The following SLC9A9 variants were observed in gnomAD, a reference collection of about 807,000 sequenced individuals.
SLC9A9 encodes sodium/hydrogen exchanger 9.
In SLC9A9, 62 loss-of-function variants were observed where a neutral mutation model predicts 77.8. The observed-to-expected ratio is 0.80, with a 90% CI of 0.65 to 0.98. The LOEUF (loss-of-function observed/expected upper bound fraction) is 0.98. Among genes scored for constraint, SLC9A9 ranks in the 50% least tolerant of loss-of-function variants. The probability of loss-of-function intolerance (pLI) is 0.00; values close to 1 mark genes in which losing one functional copy is unlikely to be tolerated. For missense variants in SLC9A9, 775 were observed against 774.9 expected (o/e 1.00, Z 0.00); for synonymous variants, 320 against 283.5 (o/e 1.13, Z -1.29).
chr3:143,801,796 C>T (rs952790341), intron 2 of SLC9A9, among the ~76,000 whole-genome samples: 6 of 152,232 alleles, frequency 3.9e-5, no homozygotes, highest in East Asian at 1.9e-4. Context: ...CGGGCCCTCA[C>T]TCTTGCAAAG....
chr3:143,396,902 T>C (rs2033743089), intron 12 of SLC9A9, among the ~76,000 whole-genome samples: 1 of 152,224 alleles, frequency 6.6e-6, no homozygotes, highest in African/African-American at 2.4e-5. Flanking sequence ...TGTTTACATG[T>C]ATCTGACAAT....
chr3:143,596,725 T>C lies in SLC9A9; in HGVS notation c.756-18002A>G, dbSNP rs75066738. Among the ~76,000 whole-genome samples, 698 of 152,302 alleles carry C rather than the reference T, an allele frequency of 4.6e-3. 4 individuals are homozygous for C. Among genetic ancestry groups the C allele is most frequent in the Middle Eastern group, 0.01 (3 of 294 alleles). On this transcript the variant is annotated intron_variant, in intron 6 of 15. Transcript: ENST00000316549. The stretch of plus-strand genomic sequence containing the variant: ...TCACCCAAGCTGGAGTACAGTGGCA[T>C]GAATATGGCTAACTATAGCCTCGAC...
chr3:143,811,699 A>C (rs954286069), intron 2 of SLC9A9: 1 of 455,018 alleles, frequency 2.2e-6, no homozygotes. Context: ...AACAAAAACA[A>C]AAAAACAAAA....
At chr3:143,692,821 T>C (rs796642415) in intron 5 of SLC9A9, among the ~76,000 whole-genome samples, 16 of 152,222 alleles carry the variant, frequency 1.1e-4, no homozygotes, top group African/African-American at 2.4e-4. Context: ...GATGAGCAAA[T>C]AGAAAGGTCT....
At chr3:143,440,199 C>T (rs1360695927) in intron 12 of SLC9A9, among the ~76,000 whole-genome samples, 2 of 152,164 alleles carry the variant, frequency 1.3e-5, no homozygotes, top group African/African-American at 4.8e-5. Flanking sequence ...CAGGGAGACC[C>T]ACCTAGGGAT....
At chr3:143,552,272 T>G in intron 9 of SLC9A9, 90 bp downstream of exon 9, 1 of 898,686 alleles carries the variant, frequency 1.1e-6, no homozygotes, top group Non-Finnish European at 1.7e-6. Flanking sequence ...CCTTTACTAA[T>G]GAAACTCTTT....
intron 12 of SLC9A9, among the ~76,000 whole-genome samples, chr3:143,385,763 C>A (rs544261766): frequency 1.8e-4 from 28 of 152,166 alleles, no homozygotes; most frequent in Non-Finnish European, 3.2e-4. Context: ...TGAAGTCCAA[C>A]CTCCTTAGGT....
chr3:143,638,933 C>T (rs2038574640), intron 6 of SLC9A9, among the ~76,000 whole-genome samples: 1 of 152,190 alleles, frequency 6.6e-6, no homozygotes, highest in South Asian at 2.1e-4. Context: ...CAAGAGAGAG[C>T]TTTTAATTTA....
chr3:143,548,849 TC>T, intron 9 of SLC9A9, among the ~76,000 whole-genome samples: 1 of 152,346 alleles, frequency 6.6e-6, no homozygotes, highest in Non-Finnish European at 1.5e-5. Flanking sequence ...AGCCTTTGTA[TC>T]CAGATATAGC....
intron 9 of SLC9A9, among the ~76,000 whole-genome samples, chr3:143,544,479 G>A (rs750747758): frequency 1.7e-4 from 26 of 151,960 alleles, no homozygotes; most frequent in Non-Finnish European, 2.9e-4. Flanking sequence ...CGCCCGCCTC[G>A]GCCTTCCAAA....
chr3:143,794,155 A>G (rs182357435), intron 4 of SLC9A9, among the ~76,000 whole-genome samples: 1 of 152,260 alleles, frequency 6.6e-6, no homozygotes, highest in East Asian at 1.9e-4. Context: ...ATTGACACAC[A>G]CTAGAAACTC....
intron 5 of SLC9A9, among the ~76,000 whole-genome samples, chr3:143,657,002 G>A (rs200890723): frequency 6.6e-6 from 1 of 152,134 alleles, no homozygotes; most frequent in Non-Finnish European, 1.5e-5. Flanking sequence ...AATTGTATAC[G>A]GTGAGATCTG....
chr3:143,292,200 G>T (rs1012005554), intron 14 of SLC9A9, among the ~76,000 whole-genome samples: 7 of 152,184 alleles, frequency 4.6e-5, no homozygotes, highest in African/African-American at 1.7e-4. Flanking sequence ...CATGGTGCTT[G>T]GCTACCATGG....
At chr3:143,535,079 T>C (rs907407128) in intron 9 of SLC9A9, among the ~76,000 whole-genome samples, 18 of 152,208 alleles carry the variant, frequency 1.2e-4, no homozygotes, top group Admixed American at 3.3e-4. Flanking sequence ...AATTAAACCA[T>C]TCTTCTTTTA....
chr3:143,556,553 G>A (rs1451631809), intron 8 of SLC9A9, among the ~76,000 whole-genome samples: 1 of 152,128 alleles, frequency 6.6e-6, no homozygotes, highest in Non-Finnish European at 1.5e-5. Flanking sequence ...TTAGAATTCT[G>A]GATCCTAGCC....
At chr3:143,704,998 T>G in intron 4 of SLC9A9, among the ~76,000 whole-genome samples, 1 of 115,130 alleles carries the variant, frequency 8.7e-6, no homozygotes. Flanking sequence ...ATCTCAAATA[T>G]CTATCTATCT....
chr3:143,611,097 G>A (rs1406973145), intron 6 of SLC9A9, among the ~76,000 whole-genome samples: 1 of 151,896 alleles, frequency 6.6e-6, no homozygotes, highest in Non-Finnish European at 1.5e-5. Context: ...GGGCATAGAA[G>A]GCTAGAAAAA....
chr3:143,437,169 G>A (rs182086604), intron 12 of SLC9A9, among the ~76,000 whole-genome samples: 33 of 152,320 alleles, frequency 2.2e-4, no homozygotes, highest in African/African-American at 7.7e-4. Flanking sequence ...CCCATAGCAG[G>A]GGCTCCATAC....
At chr3:143,336,919 T>A (rs1298997036) in intron 14 of SLC9A9, among the ~76,000 whole-genome samples, 1 of 152,158 alleles carries the variant, frequency 6.6e-6, no homozygotes, top group African/African-American at 2.4e-5. Context: ...AAAAATTTTT[T>A]AAAATACAGA....
Sources: gnomAD v4.1 joint callset for allele counts (sites outside exome capture counted in the v4.1 genomes callset) on GRCh38, gnomAD v4.1.1 for gene constraint, MANE v1.5 for transcripts, NCBI Gene and HGNC (gene_info 2026-07-23, HGNC 2026-07-21) for gene names.